EYA4: variants seen among roughly 807,000 people sequenced by gnomAD.
The protein encoded by EYA4 is EYA transcriptional coactivator and phosphatase 4, also known as protein phosphatase EYA4.
EYA4 carries 31 observed loss-of-function variants against 87.9 expected under a neutral mutation model. The observed-to-expected ratio is 0.35, with a 90% CI of 0.27 to 0.48. The LOEUF (loss-of-function observed/expected upper bound fraction) is 0.48, where lower values mean the gene tolerates loss of function less well. Among genes scored for constraint, EYA4 ranks in the 20% least tolerant of loss-of-function variants. The pLI is 0.99. For missense variants in EYA4, 678 were observed against 761.4 expected (o/e 0.89, Z 1.29); for synonymous variants, 263 against 270.6 (o/e 0.97, Z 0.28).
chr6:133,289,033 A>G (rs770792680), intron 2 of EYA4, among the ~76,000 whole-genome samples: 12 of 152,222 alleles, frequency 7.9e-5, no homozygotes, highest in Non-Finnish European at 1.3e-4. Flanking sequence ...AGTTTAAAGA[A>G]GAGACACAGA....
chr6:133,378,071 TATCTC>T (rs768945897), intron 2 of EYA4, among the ~76,000 whole-genome samples: 2 of 152,152 alleles, frequency 1.3e-5, no homozygotes, highest in Non-Finnish European at 2.9e-5. Context: ...GGTGCATTCT[TATCTC>T]AAACTCATCA....
intron 3 of EYA4, among the ~76,000 whole-genome samples, chr6:133,441,978 T>C (rs1012025450): frequency 1.3e-5 from 2 of 151,416 alleles, no homozygotes; most frequent in African/African-American, 4.9e-5. Context: ...TTGATCCATA[T>C]ATGACAGATG....
chr6:133,518,078 G>C (rs1484826322), intron 17 of EYA4, among the ~76,000 whole-genome samples: 1 of 152,134 alleles, frequency 6.6e-6, no homozygotes, highest in Admixed American at 6.6e-5. Context: ...AAATGTCAGG[G>C]ACGCTGGAGC....
At chr6:133,357,306 A>G (rs1784143151) in intron 2 of EYA4, among the ~76,000 whole-genome samples, 1 of 151,334 alleles carries the variant, frequency 6.6e-6, no homozygotes, top group Admixed American at 6.6e-5. Flanking sequence ...AGCAGAAAAA[A>G]CTAACTAGTC....
chr6:133,296,423 A>G (rs1337225541), intron 2 of EYA4, among the ~76,000 whole-genome samples: 1 of 152,206 alleles, frequency 6.6e-6, no homozygotes, highest in East Asian at 1.9e-4. Context: ...AGGATCCAGG[A>G]GACCAGTTGG....
intron 2 of EYA4, among the ~76,000 whole-genome samples, chr6:133,334,890 A>C (rs1782247250): frequency 6.6e-6 from 1 of 152,204 alleles, no homozygotes; most frequent in South Asian, 2.1e-4. Flanking sequence ...GAAATTTAAA[A>C]ATCAAGCCAG....
At chr6:133,439,862 G>A (rs149489329) in intron 3 of EYA4, among the ~76,000 whole-genome samples, 1 of 152,290 alleles carries the variant, frequency 6.6e-6, no homozygotes, top group African/African-American at 2.4e-5. Context: ...CAAGGCTCCA[G>A]CTAAACACAG....
chr6:133,501,128 G>C (rs766635190), intron 13 of EYA4, among the ~76,000 whole-genome samples: 1 of 151,904 alleles, frequency 6.6e-6, no homozygotes, highest in Non-Finnish European at 1.5e-5. Flanking sequence ...CCTTTGTCAG[G>C]CCTCTGTTTC....
intron 2 of EYA4, among the ~76,000 whole-genome samples, chr6:133,339,396 A>G (rs1281872564): frequency 6.6e-6 from 1 of 152,200 alleles, no homozygotes; most frequent in Non-Finnish European, 1.5e-5. Context: ...GCAAGTGTGT[A>G]ATGGTTGCAG....
At chr6:133,282,577 CAT>C (rs1273165768) in intron 2 of EYA4, among the ~76,000 whole-genome samples, 43 of 129,752 alleles carry the variant, frequency 3.3e-4, no homozygotes, top group African/African-American at 1.0e-3. Flanking sequence ...ATATATGACA[CAT>C]ATGTGTGTGT....
intron 3 of EYA4, among the ~76,000 whole-genome samples, chr6:133,390,772 A>T (rs923663875): frequency 1.3e-5 from 2 of 152,214 alleles, no homozygotes; most frequent in African/African-American, 4.8e-5. Context: ...TTTAGGTAAT[A>T]CTTATCTGGT....
intron 13 of EYA4, among the ~76,000 whole-genome samples, chr6:133,485,572 A>T (rs1583425669): frequency 1.3e-5 from 2 of 152,352 alleles, no homozygotes; most frequent in Middle Eastern, 3.4e-3. Flanking sequence ...AGCACATCGC[A>T]TGGCCTGGAC....
chr6:133,395,231 A>AT (rs11399757), intron 3 of EYA4, among the ~76,000 whole-genome samples: 103,556 of 142,754 alleles, frequency 0.73, 38,493 homozygotes, highest in Non-Finnish European at 0.83. Flanking sequence ...TCACTTAGGG[A>AT]TTTTTTTTTT....
chr6:133,297,106 C>T (rs1015233498), intron 2 of EYA4, among the ~76,000 whole-genome samples: 4 of 152,112 alleles, frequency 2.6e-5, no homozygotes, highest in African/African-American at 9.7e-5. Context: ...ATGTAATGCT[C>T]TTTATCAAAT....
intron 1 of EYA4, among the ~76,000 whole-genome samples, chr6:133,243,787 A>C (rs1405253802): frequency 6.6e-6 from 1 of 152,046 alleles, no homozygotes; most frequent in Non-Finnish European, 1.5e-5. Flanking sequence ...AGGAGACTGC[A>C]TTCAAAGACA....
At chr6:133,314,556 T>C (rs1333641142) in intron 2 of EYA4, among the ~76,000 whole-genome samples, 2 of 152,200 alleles carry the variant, frequency 1.3e-5, no homozygotes, top group South Asian at 2.1e-4. Context: ...TTCTATTTTA[T>C]AGAAAGCATT....
At chr6:133,372,980 C>T (rs553206251) in intron 2 of EYA4, among the ~76,000 whole-genome samples, 111 of 151,904 alleles carry the variant, frequency 7.3e-4, no homozygotes, top group African/African-American at 2.5e-3. Context: ...TACAGACATA[C>T]GCACACAGAT....
intron 2 of EYA4, among the ~76,000 whole-genome samples, chr6:133,337,011 A>C (rs1228115637): frequency 2.0e-5 from 3 of 152,154 alleles, no homozygotes; most frequent in Non-Finnish European, 4.4e-5. Context: ...TCTTTCACCA[A>C]CTCAGAAAGT....
intron 2 of EYA4, among the ~76,000 whole-genome samples, chr6:133,364,031 C>G (rs1485480555): frequency 6.6e-6 from 1 of 152,194 alleles, no homozygotes; most frequent in Non-Finnish European, 1.5e-5. Flanking sequence ...AACCTGAAAC[C>G]TAATGGTATC....
Sources: gnomAD v4.1 joint callset for allele counts (sites outside exome capture counted in the v4.1 genomes callset) on GRCh38, gnomAD v4.1.1 for gene constraint, MANE v1.5 for transcripts, NCBI Gene and HGNC (gene_info 2026-07-23, HGNC 2026-07-21) for gene names.